ZNF226: variants seen among roughly 807,000 people sequenced by gnomAD.
ZNF226 encodes zinc finger protein 226.
In ZNF226, 6 loss-of-function variants were observed where a neutral mutation model predicts 11.4. The observed-to-expected ratio is 0.53, with a 90% CI of 0.29 to 1.04. The LOEUF (loss-of-function observed/expected upper bound fraction) is 1.04. Ranked by LOEUF, ZNF226 falls within the 50% of genes least tolerant of loss-of-function variation. The probability of loss-of-function intolerance (pLI) is 0.08; values close to 1 mark genes in which losing one functional copy is unlikely to be tolerated. For synonymous variants in ZNF226, 350 were observed against 322.8 expected, an observed-to-expected ratio of 1.08 and a Z score of -0.90; for missense variants, 1,058 against 956.5, an observed-to-expected ratio of 1.11 and a Z score of -1.40.
At chr19:44,170,179 G>A (rs1479534042) in intron 3 of ZNF226, 84 bp downstream of exon 3, 5 of 1,436,748 alleles carry the variant, frequency 3.5e-6, no homozygotes, top group African/African-American at 2.8e-5. Flanking sequence ...TTTCAAGTAA[G>A]AGTCAAGGCA....
chr19:44,193,035 A>G, the ZNF226 span, among the ~76,000 whole-genome samples: 1 of 152,200 alleles, frequency 6.6e-6, no homozygotes, highest in Non-Finnish European at 1.5e-5. Context: ...GGCAAAATGT[A>G]TGCTTGCAAT....
Position 44,176,728 on chromosome 19 carries a change from A to C in ZNF226, c.1466A>C (p.Asn489Thr), listed in dbSNP as rs902043343. 2 of 1,614,036 alleles carry C rather than the reference A, an allele frequency of 1.2e-6. No homozygotes were observed. Among genetic ancestry groups the C allele is most frequent in the Non-Finnish European group, 1.7e-6 (2 of 1,180,022 alleles). Residue 489 changes from asparagine to threonine, a missense_variant, in exon 6 of 6, where the codon AAT becomes ACT. Coordinates refer to ENST00000337433, the MANE Select transcript of ZNF226 (RefSeq NM_001032373.2). ...GGGAAAGGCTTTACTCTGAGTTCAA[A>C]TCTTCAAGCCCATCAGAGAGTCCAC... ...VCGKGFTLSS[N>T]LQAHQRVHTG...
chr19:44,176,325 AAGGTCC>A lies in ZNF226; in HGVS notation c.1065_1070del (p.Lys355_His357delinsAsn). On this transcript the variant is annotated inframe_deletion, in exon 6 of 6. Coordinates refer to ENST00000337433, the MANE Select transcript of ZNF226 (RefSeq NM_001032373.2). Reference sequence around the variant, plus strand: ...TAGATCAGCACTTAATGTTCATTGCAAGGTCCACACGGCAGAGAAACCTTATAATTG... The same window carrying A: ...TAGATCAGCACTTAATGTTCATTGCAACACGGCAGAGAAACCTTATAATTG... The A allele has an allele frequency of 3.1e-6, 5 of 1,614,228 alleles. No homozygotes were observed. Among genetic ancestry groups the A allele is most frequent in the Non-Finnish European group, 4.2e-6 (5 of 1,180,036 alleles).
At position 44,177,265 on chromosome 19, in the gene ZNF226, A is replaced by AT. The variant is rs1166992645; in HGVS notation, c.2004dup (p.Lys669Ter). On this transcript the variant is annotated frameshift_variant, in exon 6 of 6. Coordinates refer to ENST00000337433, the MANE Select transcript of ZNF226 (RefSeq NM_001032373.2). LOFTEE classifies it low-confidence loss of function (END_TRUNC). ...GCCCATCAAAAAGTCCACACTGGAGATAAGCCATACAAATGTGATGAGTGT... is the reference window on the plus strand; with the variant it reads ...GCCCATCAAAAAGTCCACACTGGAGATTAAGCCATACAAATGTGATGAGTGT... The AT allele has an allele frequency of 6.2e-7, 1 of 1,614,156 alleles. No homozygotes were observed.
At position 44,176,459 on chromosome 19, in the gene ZNF226, C is replaced by G; in HGVS notation, c.1197C>G (p.Ser399Arg). Reference protein sequence around the residue: ...KPFKCDACGKSFSRNSHLQSH... With the variant: ...KPFKCDACGKRFSRNSHLQSH... ...TCAAATGTGATGCATGTGGTAAGAG[C>G]TTCAGTCGGAATTCACATCTTCAAT... is the stretch of plus-strand genomic sequence containing the variant. The change falls in exon 6 of 6, where the codon AGC becomes AGG. Residue 399 changes from serine to arginine, a missense_variant. Ser to Arg is a moderately radical substitution (Grantham distance 110). Coordinates refer to ENST00000337433, the MANE Select transcript of ZNF226 (RefSeq NM_001032373.2). 1 of 1,614,024 alleles carries G rather than the reference C, an allele frequency of 6.2e-7. No homozygotes were observed. The highest frequency in any genetic ancestry group is 8.5e-7 in the Non-Finnish European group (1 of 1,180,018).
chr19:44,190,753 C>T, the ZNF226 span, among the ~76,000 whole-genome samples: 24 of 152,124 alleles, frequency 1.6e-4, no homozygotes, highest in African/African-American at 5.8e-4. Context: ...ATTGGTAATA[C>T]AACCAATGTT....
At chr19:44,180,156 T>C (rs1255934706), downstream of ZNF226, among the ~76,000 whole-genome samples, 3 of 148,518 alleles carry the variant, frequency 2.0e-5, no homozygotes, top group Non-Finnish European at 3.0e-5. Flanking sequence ...AGTGGAAATA[T>C]GTAATTTTTG....
At chr19:44,170,688 C>T (rs990871553) in intron 3 of ZNF226, among the ~76,000 whole-genome samples, 2 of 152,086 alleles carry the variant, frequency 1.3e-5, no homozygotes, top group East Asian at 1.9e-4. Context: ...GAGCAGAGAT[C>T]GTACCACTGC....
chr19:44,170,967 A>G (rs1970028094), intron 3 of ZNF226, among the ~76,000 whole-genome samples: 2 of 151,714 alleles, frequency 1.3e-5, no homozygotes. Flanking sequence ...TAATCTCTTC[A>G]TTGTATGTAC....
intron 5 of ZNF226, 193 bp downstream of exon 5, chr19:44,173,145 T>G: frequency 3.4e-6 from 2 of 594,368 alleles, no homozygotes; most frequent in Non-Finnish European, 3.0e-6. Context: ...AGTGAGTTTT[T>G]GTTACCTTGT....
At chr19:44,184,048 C>T in the ZNF226 span, among the ~76,000 whole-genome samples, 2 of 152,112 alleles carry the variant, frequency 1.3e-5, no homozygotes, top group African/African-American at 4.8e-5. Flanking sequence ...ACATATTACC[C>T]AGGAGTGCTT....
At chr19:44,174,731 A>T (rs970537863) in intron 5 of ZNF226, 3 of 321,532 alleles carry the variant, frequency 9.3e-6, no homozygotes, top group Non-Finnish European at 1.7e-5. Flanking sequence ...AAAGACAAAC[A>T]TATCTACATC....
chr19:44,186,428 A>G, the ZNF226 span, among the ~76,000 whole-genome samples: 1 of 152,012 alleles, frequency 6.6e-6, no homozygotes. Context: ...TATTTCAGTT[A>G]TTTGATTAAG....
downstream of ZNF226, among the ~76,000 whole-genome samples, chr19:44,179,254 A>G (rs941746522): frequency 2.0e-5 from 3 of 152,190 alleles, no homozygotes; most frequent in African/African-American, 4.8e-5. Context: ...AGTCTGTCCT[A>G]TGCCACCACA....
downstream of ZNF226, among the ~76,000 whole-genome samples, chr19:44,178,713 G>A (rs1970858706): frequency 2.0e-5 from 3 of 152,028 alleles, no homozygotes; most frequent in African/African-American, 7.3e-5. Context: ...TCTTTTTTCT[G>A]GAATTCATAG....
the ZNF226 span, among the ~76,000 whole-genome samples, chr19:44,196,485 C>T: frequency 6.6e-6 from 1 of 152,138 alleles, no homozygotes; most frequent in Non-Finnish European, 1.5e-5. Context: ...CACTGTTCTT[C>T]AAAGGGGACT....
downstream of ZNF226, among the ~76,000 whole-genome samples, chr19:44,183,094 CAA>C (rs749248599): frequency 3.9e-5 from 6 of 152,246 alleles, no homozygotes; most frequent in Non-Finnish European, 8.8e-5. Context: ...TGCACTTCTG[CAA>C]AGTGACTTGG....
At chr19:44,194,754 TTACA>T in the ZNF226 span, among the ~76,000 whole-genome samples, 1 of 152,156 alleles carries the variant, frequency 6.6e-6, no homozygotes, top group African/African-American at 2.4e-5. Flanking sequence ...GTAGAAAATA[TTACA>T]TACATATATA....
chr19:44,179,281 A>G (rs1243478594), downstream of ZNF226, among the ~76,000 whole-genome samples: 1 of 152,218 alleles, frequency 6.6e-6, no homozygotes, highest in Non-Finnish European at 1.5e-5. Context: ...AAGAGAATGC[A>G]GGAATTTTTT....
Sources: gnomAD v4.1 joint callset for allele counts (sites outside exome capture counted in the v4.1 genomes callset) on GRCh38, gnomAD v4.1.1 for gene constraint, MANE v1.5 for transcripts, NCBI Gene and HGNC (gene_info 2026-07-23, HGNC 2026-07-21) for gene names.